Variants in AATK observed in about 807,000 individuals in gnomAD.
AATK encodes the protein lemur tail kinase 1.
A neutral mutation model predicts 114.3 loss-of-function variants in AATK; 91 were observed. That is an observed-to-expected ratio of 0.80 (90% CI 0.67 to 0.95). The LOEUF is 0.95. AATK is among the 40% of genes least tolerant of loss of function. The probability of loss-of-function intolerance (pLI) is 0.00; values close to 1 mark genes in which losing one functional copy is unlikely to be tolerated. For missense variants in AATK, 2,176 were observed against 1,965.2 expected (o/e 1.11, Z -2.03); for synonymous variants, 1,075 against 916.5 (o/e 1.17, Z -3.12).
Position 81,121,524 on chromosome 17 carries a change from C to T in AATK, c.2412G>A (p.Gln804=), listed in dbSNP as rs766699407. 4 of 1,543,554 alleles carry T rather than the reference C, an allele frequency of 2.6e-6. No homozygotes were observed. The highest frequency in any genetic ancestry group is 3.5e-6 in the Non-Finnish European group (4 of 1,142,806). ...CCTCCGAGGGAAGTGGGGCTCCCTC[C>T]TGGGATGGGGAGGGGACGGAAGGAA... The part of the protein sequence containing the change: ...LPLPSVPSPS[Q]EGAPLPSEEA... Residue 804 remains glutamine, a synonymous_variant, in exon 11 of 14, where the codon CAG becomes CAA. Transcript: ENST00000326724.
intron 1 of AATK, among the ~76,000 whole-genome samples, chr17:81,136,838 CA>C (rs2061017568): frequency 1.3e-5 from 2 of 152,160 alleles, no homozygotes; most frequent in Non-Finnish European, 2.9e-5. Context: ...CCTAGGCTTT[CA>C]AATCCACAGA....
At chr17:81,123,401 G>A in intron 9 of AATK, 58 bp from the exon 10 acceptor site, 9 of 1,305,510 alleles carry the variant, frequency 6.9e-6, no homozygotes, top group African/African-American at 1.5e-5. Context: ...CAAGGACCGC[G>A]CAGGATCCCC....
chr17:81,138,283 C>G (rs952604347), intron 1 of AATK, among the ~76,000 whole-genome samples: 6 of 139,256 alleles, frequency 4.3e-5, no homozygotes, highest in Admixed American at 2.8e-4. Context: ...ACGTGCACAC[C>G]CACCCACACA....
chr17:81,121,095 A>G lies in AATK; in HGVS notation c.2841T>C (p.Pro947=), dbSNP rs61743697. 1,972 of 1,605,554 alleles carry G rather than the reference A, an allele frequency of 1.2e-3. 15 individuals are homozygous for G. In the African/African-American group the frequency reaches 0.02, roughly 16 times the overall value. The change falls in exon 11 of 14, where the codon CCT becomes CCC. Residue 947 remains proline (P), a synonymous_variant. Transcript: ENST00000326724. Reference sequence around the variant, plus strand: ...CCTGCGCCTCCTTGAGCACAAACTCAGGGGACTCATAGTTCTCGGTGTCAT... The same window carrying G: ...CCTGCGCCTCCTTGAGCACAAACTCGGGGGACTCATAGTTCTCGGTGTCAT... ...SGYDTENYES[P]EFVLKEAQEG... is the part of the protein sequence containing the mutation.
chr17:81,140,653 G>GGGGACCGTGGGGCCGT (rs1555596772), intron 1 of AATK, among the ~76,000 whole-genome samples: 13 of 98,418 alleles, frequency 1.3e-4, no homozygotes, highest in African/African-American at 2.4e-4. Flanking sequence ...CGTGGGGCCG[G>GGGGACCGTGGGGCCGT]GGGACCGTGG....
chr17:81,133,895 C>A (rs1348210546), intron 2 of AATK, among the ~76,000 whole-genome samples: 1 of 152,212 alleles, frequency 6.6e-6, no homozygotes, highest in African/African-American at 2.4e-5. Context: ...GTGACTCCAA[C>A]TGGCAAGAAG....
intron 1 of AATK, among the ~76,000 whole-genome samples, chr17:81,159,984 A>G (rs2061411103): frequency 6.6e-6 from 1 of 152,138 alleles, no homozygotes; most frequent in South Asian, 2.1e-4. Flanking sequence ...AGATGGGGAT[A>G]GGCTGGCCAC....
intron 1 of AATK, among the ~76,000 whole-genome samples, chr17:81,134,806 AG>A (rs1282889751): frequency 6.6e-6 from 1 of 152,214 alleles, no homozygotes; most frequent in African/African-American, 2.4e-5. Flanking sequence ...TCAGGGTCTC[AG>A]GGGCTACAGG....
rs2061487428 is a variant in AATK at position 81,166,075 on chromosome 17, C to T, written c.-83G>A. ...GCCCCGGCCCGAGCCGCCGCATCAC[C>T]CAGCGGCCGCCGCAGGTGCGGAGCG... On this transcript the variant is annotated 5_prime_UTR_variant, in exon 1 of 14. Coordinates refer to ENST00000326724, the MANE Select transcript of AATK (RefSeq NM_001080395.3). 3.1e-6 allele frequency: 3 copies of T among 974,256 alleles called. No homozygotes were observed. In the African/African-American group the frequency reaches 5.3e-5, roughly 17 times the overall value. The allele number at this position is 974,256 out of a possible 1,614,324, so 60.4% of individuals were successfully genotyped here.
At position 81,119,346 on chromosome 17, in the gene AATK, G is replaced by GTGCCCTACCTCTCGCA. The variant is rs768595211; in HGVS notation, c.4084+33_4084+34insTGCGAGAGGTAGGGCA. On this transcript the variant is annotated intron_variant, in intron 13 of 13. Coordinates refer to ENST00000326724, the MANE Select transcript of AATK (RefSeq NM_001080395.3). ...CGGAGCTCCGTGCCCTGCCTCCCGC[G>GTGCCCTACCTCTCGCA]TGCCCTTCTGCCACAGCCCCGCCCA... 1.2e-5 allele frequency: 19 copies of GTGCCCTACCTCTCGCA among 1,536,362 alleles called. 1 individual carries two copies. The East Asian group carries it at 2.1e-4, about 17-fold the overall frequency.
At position 81,126,383 on chromosome 17, in the gene AATK, C is replaced by G; in HGVS notation, c.755+44G>C. ...CTATGCCCTTCCTTCAGGGGAGGGG[C>G]CTGGCCTAGGGCTTCCCGGCCGCTG... is the stretch of plus-strand genomic sequence containing the variant. On this transcript the variant is annotated intron_variant, in intron 7 of 13. Coordinates refer to ENST00000326724, the MANE Select transcript of AATK (RefSeq NM_001080395.3). This position sits in a 1 kb window ranked among gnomAD's most constrained non-coding sequence, Gnocchi z 5.1. The G allele has an allele frequency of 6.5e-7, 1 of 1,527,450 alleles. No homozygotes were observed. Among genetic ancestry groups the G allele is most frequent in the Non-Finnish European group, 8.8e-7 (1 of 1,131,796 alleles). 94.6% of individuals were successfully genotyped at this position (1,527,450 alleles called of 1,614,324 possible).
chr17:81,139,031 C>T (rs955612249), intron 1 of AATK, among the ~76,000 whole-genome samples: 23 of 152,228 alleles, frequency 1.5e-4, no homozygotes, highest in Non-Finnish European at 2.9e-5. Context: ...CACGTGTGCA[C>T]ACCCACAGGC....
Position 81,119,887 on chromosome 17 carries a change from C to G in AATK, c.3883+49G>C, listed in dbSNP as rs1324608718. 2.8e-6 allele frequency: 4 copies of G among 1,408,518 alleles called. No individual in the cohort carries two copies. The East Asian group carries it at 8.5e-5, about 30-fold the overall frequency. 87.3% of individuals were successfully genotyped at this position (1,408,518 alleles called of 1,614,324 possible). A position where few individuals can be genotyped will look rare whatever the true frequency, so the allele number is the denominator to read the frequency against. On this transcript the variant is annotated intron_variant, in intron 12 of 13. Transcript: ENST00000326724. Reference sequence around the variant, plus strand: ...GCCCCGCCTCCCACACAGCACGGACCAGGCCCTGCCTCCCGTGACGTCACG... The same window carrying G: ...GCCCCGCCTCCCACACAGCACGGACGAGGCCCTGCCTCCCGTGACGTCACG...
intron 3 of AATK, among the ~76,000 whole-genome samples, chr17:81,129,343 G>C (rs57207497): frequency 2.0e-5 from 3 of 152,130 alleles, no homozygotes; most frequent in Admixed American, 6.5e-5. Flanking sequence ...CTGTCTGGGC[G>C]GCCCTCTCTC....
intron 1 of AATK, among the ~76,000 whole-genome samples, chr17:81,143,111 G>A (rs1375499728): frequency 2.0e-5 from 3 of 152,280 alleles, no homozygotes; most frequent in South Asian, 2.1e-4. Context: ...GCCTTCCCTC[G>A]AAGGCCACGG....
chr17:81,118,538 C>G (rs1448533073), intron 13 of AATK, 96 bp from the exon 14 acceptor site: 1 of 1,303,472 alleles, frequency 7.7e-7, no homozygotes, highest in Non-Finnish European at 1.1e-6. Flanking sequence ...GGCCCACATA[C>G]AGGCCGGGCC....
rs372241802 is a variant in AATK, at chr17:81,132,095, C to T, written c.190-890G>A. On this transcript the variant is annotated intron_variant, in intron 2 of 13. Transcript: ENST00000326724. ...CCCACCCCCAAGTCCAGGGCACATTCCTGCGCTGAGAGCCAAAGTCTCCAA... is the reference window on the plus strand; with the variant it reads ...CCCACCCCCAAGTCCAGGGCACATTTCTGCGCTGAGAGCCAAAGTCTCCAA... 1.2e-5 allele frequency: 14 copies of T among 1,161,990 alleles called. No homozygotes were observed. The African/African-American group carries it at 2.1e-4, about 17-fold the overall frequency. The allele number at this position is 1,161,990 out of a possible 1,614,324, so 72.0% of individuals were successfully genotyped here.
At chr17:81,118,867 G>A (rs1030979523) in intron 13 of AATK, among the ~76,000 whole-genome samples, 1 of 152,242 alleles carries the variant, frequency 6.6e-6, no homozygotes, top group African/African-American at 2.4e-5. Flanking sequence ...GAGGAGGTGG[G>A]CACTTGTCAG....
chr17:81,159,302 G>A (rs2061402816), intron 1 of AATK, among the ~76,000 whole-genome samples: 1 of 152,180 alleles, frequency 6.6e-6, no homozygotes, highest in East Asian at 1.9e-4. Context: ...GAGCGAGCGA[G>A]ATCCCCAACA....
Sources: allele counts gnomAD v4.1 joint callset (sites outside exome capture counted in the v4.1 genomes callset), GRCh38; gene constraint gnomAD v4.1.1; non-coding constraint Gnocchi (gnomAD v3.1); transcripts MANE v1.5; gene names NCBI Gene and HGNC (gene_info 2026-07-23, HGNC 2026-07-21).